CERKL: variants seen among roughly 807,000 people sequenced by gnomAD.
CERKL encodes ceramide kinase-like protein.
CERKL carries 61 observed loss-of-function variants against 63.4 expected under a neutral mutation model. The ratio of observed to expected loss-of-function variants is 0.96; its 90% CI spans 0.78 to 1.19. The LOEUF (loss-of-function observed/expected upper bound fraction) is 1.19. CERKL is among the 50% of genes most tolerant of loss of function. CERKL has a pLI of 0.00. For missense variants in CERKL, 675 were observed against 655.5 expected (o/e 1.03, Z -0.33); for synonymous variants, 250 against 230.5 (o/e 1.08, Z -0.77).
At chr2:181,555,808 A>G (rs1688179030) in intron 5 of CERKL, among the ~76,000 whole-genome samples, 1 of 146,640 alleles carries the variant, frequency 6.8e-6, no homozygotes, top group South Asian at 2.1e-4. Flanking sequence ...GCTGGAGTAC[A>G]GTGGCACAAT....
In CERKL at chr2:181,537,706, CAA is replaced by C; in HGVS notation, c.*476_*477del. The C allele has an allele frequency of 2.4e-6, 1 of 424,114 alleles. No individual in the cohort carries two copies. The highest frequency in any genetic ancestry group is 1.7e-5 in the South Asian group (1 of 59,152). 26.3% of individuals were successfully genotyped at this position (424,114 alleles called of 1,614,324 possible). A position where few individuals can be genotyped will look rare whatever the true frequency, so the allele number is the denominator to read the frequency against. On this transcript the variant is annotated 3_prime_UTR_variant, in exon 13 of 13. Transcript: ENST00000410087. Reference sequence around the variant, plus strand: ...AAATATTGATGTATTATGATGGTTGCAAAGTTTTTTTGTGTGTCCAATAAACA... The same window carrying C: ...AAATATTGATGTATTATGATGGTTGCAGTTTTTTTGTGTGTCCAATAAACA...
chr2:181,592,208 CTT>C (rs1685018170), intron 2 of CERKL, among the ~76,000 whole-genome samples: 1 of 152,166 alleles, frequency 6.6e-6, no homozygotes, highest in South Asian at 2.1e-4. Flanking sequence ...CTTTCTCTCT[CTT>C]GACTCAGCTG....
intron 2 of CERKL, among the ~76,000 whole-genome samples, chr2:181,580,683 G>A (rs1391037021): frequency 1.3e-5 from 2 of 152,132 alleles, no homozygotes; most frequent in African/African-American, 2.4e-5. Context: ...ATTAAGAGCT[G>A]TTTGACATAA....
intron 1 of CERKL, among the ~76,000 whole-genome samples, chr2:181,605,460 G>A (rs1685637289): frequency 6.6e-6 from 1 of 152,188 alleles, no homozygotes; most frequent in Non-Finnish European, 1.5e-5. Flanking sequence ...GTTCCTACCA[G>A]CTGAAGTGGA....
At chr2:181,626,188 CTGG>C (rs1192094494) in intron 1 of CERKL, among the ~76,000 whole-genome samples, 3 of 152,112 alleles carry the variant, frequency 2.0e-5, no homozygotes, top group Non-Finnish European at 4.4e-5. Flanking sequence ...CTTCATTTGA[CTGG>C]TGTTTACCTC....
At chr2:181,617,004 A>G (rs758341418) in intron 1 of CERKL, among the ~76,000 whole-genome samples, 1 of 152,234 alleles carries the variant, frequency 6.6e-6, no homozygotes, top group East Asian at 1.9e-4. Flanking sequence ...CATTCCTACC[A>G]TATTAACATT....
intron 2 of CERKL, among the ~76,000 whole-genome samples, chr2:181,598,189 C>A (rs937671231): frequency 1.3e-5 from 2 of 152,162 alleles, no homozygotes; most frequent in African/African-American, 4.8e-5. Flanking sequence ...GGGCCCAACT[C>A]CCCATCCCTA....
At chr2:181,538,403 A>AATC (rs941673561) in intron 12 of CERKL, among the ~76,000 whole-genome samples, 159 bp from the exon 13 acceptor site, 7 of 152,176 alleles carry the variant, frequency 4.6e-5, no homozygotes, top group Non-Finnish European at 7.4e-5. Flanking sequence ...CTGATTGATA[A>AATC]ATCATCAACA....
chr2:181,617,201 C>T (rs2105912637), intron 1 of CERKL: 1 of 152,280 alleles, frequency 6.6e-6, no homozygotes, highest in South Asian at 2.1e-4. Flanking sequence ...AATCTCCACC[C>T]TTGAGTATAT....
chr2:181,575,498 T>C (rs1689094841), intron 2 of CERKL, among the ~76,000 whole-genome samples: 2 of 152,172 alleles, frequency 1.3e-5, no homozygotes, highest in African/African-American at 4.8e-5. Context: ...AAGGACAAAG[T>C]ACAACAGAGT....
chr2:181,622,811 A>T (rs1346137141), intron 1 of CERKL, among the ~76,000 whole-genome samples: 3 of 152,216 alleles, frequency 2.0e-5, no homozygotes, highest in Non-Finnish European at 2.9e-5. Flanking sequence ...TGATTCCTTA[A>T]AACAGATTAG....
chr2:181,612,363 T>C (rs1353716678), intron 1 of CERKL, among the ~76,000 whole-genome samples: 1 of 152,106 alleles, frequency 6.6e-6, no homozygotes, highest in Non-Finnish European at 1.5e-5. Flanking sequence ...ATAACCACTA[T>C]CCCAATAAAG....
chr2:181,598,759 T>A (rs2105887125), intron 2 of CERKL, among the ~76,000 whole-genome samples: 1 of 152,110 alleles, frequency 6.6e-6, no homozygotes, highest in East Asian at 1.9e-4. Flanking sequence ...AAGCAGCATT[T>A]AAGAAAGCTA....
Position 181,544,687 on chromosome 2 carries a change from G to A in CERKL, c.1365+13C>T. On this transcript the variant is annotated intron_variant, in intron 11 of 12. Coordinates refer to ENST00000410087, the MANE Select transcript of CERKL (RefSeq NM_201548.5). ...TAGCTTTGCAAATAAGTAACAAAAA[G>A]AATTTACTATACCTGATTTTTTACA... 6.7e-7 allele frequency: 1 copy of A among 1,494,264 alleles called. No individual in the cohort carries two copies. The highest frequency in any genetic ancestry group is 9.3e-7 in the Non-Finnish European group (1 of 1,077,460). 92.6% of individuals were successfully genotyped at this position (1,494,264 alleles called of 1,614,324 possible). A position where few individuals can be genotyped will look rare whatever the true frequency, so the allele number is the denominator to read the frequency against.
intron 1 of CERKL, among the ~76,000 whole-genome samples, chr2:181,605,969 T>C (rs1436820229): frequency 1.3e-5 from 2 of 151,460 alleles, no homozygotes; most frequent in Non-Finnish European, 2.9e-5. Context: ...TTCTGCAAGC[T>C]ATAGTCTGAT....
intron 1 of CERKL, among the ~76,000 whole-genome samples, chr2:181,619,197 T>C (rs1196331355): frequency 6.6e-6 from 1 of 152,146 alleles, no homozygotes; most frequent in Non-Finnish European, 1.5e-5. Flanking sequence ...CCTTTCCTTT[T>C]ATATGTCCAC....
chr2:181,608,388 T>C (rs1006211756), intron 1 of CERKL, among the ~76,000 whole-genome samples: 12 of 118,724 alleles, frequency 1.0e-4, no homozygotes, highest in Non-Finnish European at 1.8e-4. Context: ...TAGTCAAACC[T>C]AGAACAATAA....
At chr2:181,549,755 C>G in intron 5 of CERKL, 47 bp from the exon 6 acceptor site, 1 of 1,235,172 alleles carries the variant, frequency 8.1e-7, no homozygotes, top group African/African-American at 1.5e-5. Flanking sequence ...AGAATGTGTT[C>G]AAACTAACAT....
At chr2:181,541,402 T>C (rs1036388381) in intron 11 of CERKL, among the ~76,000 whole-genome samples, 1 of 152,188 alleles carries the variant, frequency 6.6e-6, no homozygotes, top group African/African-American at 2.4e-5. Context: ...TTCTGTGGTA[T>C]TTGTTATGGC....
Sources: gnomAD v4.1 joint callset for allele counts (sites outside exome capture counted in the v4.1 genomes callset) on GRCh38, gnomAD v4.1.1 for gene constraint, MANE v1.5 for transcripts, NCBI Gene and HGNC (gene_info 2026-07-23, HGNC 2026-07-21) for gene names.